INTS5: variants seen among roughly 807,000 people sequenced by gnomAD.
The protein encoded by INTS5 is KIAA1698.
A neutral mutation model predicts 60.0 loss-of-function variants in INTS5; 29 were observed. The observed-to-expected ratio is 0.48, with a 90% CI of 0.36 to 0.66. The LOEUF (loss-of-function observed/expected upper bound fraction) is 0.66, where lower values mean the gene tolerates loss of function less well. INTS5 is among the 30% of genes least tolerant of loss of function. The pLI is 0.00. For missense variants in INTS5, 1,129 were observed against 1,307.9 expected, an observed-to-expected ratio of 0.86 and a Z score of 2.11; for synonymous variants, 588 against 558.8, an observed-to-expected ratio of 1.05 and a Z score of -0.74.
chr11:62,650,171 C>T (rs867817143), intron 1 of INTS5, among the ~76,000 whole-genome samples, 172 bp from the exon 2 acceptor site: 1 of 151,938 alleles, frequency 6.6e-6, no homozygotes, highest in African/African-American at 2.4e-5. Context: ...GGCTGGAGTG[C>T]AGTGGCATGA....
chr11:62,648,897 C>G lies in INTS5; in HGVS notation c.1183G>C (p.Val395Leu). ...GCACCTGCCCCAGAGGCCTGGCTCACCAGGTGCACAGCCAGGTTCAACATG... is the reference window on the plus strand; with the variant it reads ...GCACCTGCCCCAGAGGCCTGGCTCAGCAGGTGCACAGCCAGGTTCAACATG... ...DNMLNLAVHL[V>L]SQASGAGAYR... Residue 395 changes from valine to leucine, a missense_variant, in exon 2 of 2, where the codon GTG becomes CTG. Transcript: ENST00000330574. The surrounding 1 kb of genome is among the most constrained non-coding windows in gnomAD (Gnocchi z 4.4). The G allele has an allele frequency of 2.5e-6, 4 of 1,613,658 alleles. No individual in the cohort carries two copies. Among genetic ancestry groups the G allele is most frequent in the Non-Finnish European group, 3.4e-6 (4 of 1,179,880 alleles).
chr11:62,653,252 C>A lies in INTS5; in HGVS notation c.-3G>T, dbSNP rs1944611469. 1 of 1,242,126 alleles carries A rather than the reference C, an allele frequency of 8.1e-7. No homozygotes were observed. The allele number at this position is 1,242,126 out of a possible 1,614,324, so 76.9% of individuals were successfully genotyped here. A position where few individuals can be genotyped will look rare whatever the true frequency, so the allele number is the denominator to read the frequency against. The stretch of plus-strand genomic sequence containing the variant: ...GGAGGGTCGCACAGCGCGGACATCC[C>A]GGAGCCCGAGCCGAGCCCGAGGCGC... On this transcript the variant is annotated 5_prime_UTR_variant, in exon 1 of 2. Transcript: ENST00000330574.
At chr11:62,653,071 G>A (rs1474372662) in intron 1 of INTS5, 99 bp downstream of exon 1, 8 of 729,604 alleles carry the variant, frequency 1.1e-5, no homozygotes, top group Admixed American at 8.7e-5. Context: ...TGAGAACCCT[G>A]ACGTGAGTTC....
chr11:62,651,568 C>T (rs893388567), intron 1 of INTS5, among the ~76,000 whole-genome samples: 3 of 152,146 alleles, frequency 2.0e-5, no homozygotes, highest in African/African-American at 4.8e-5. Context: ...ATTTTACAGA[C>T]AAATCAAGGC....
rs1944553301 is a variant in INTS5 at position 62,648,094 on chromosome 11, A to G, written c.1986T>C (p.His662=). The part of the protein sequence containing the change: ...VHRFFASLRL[H]GPPGVASACQ... The stretch of plus-strand genomic sequence containing the variant: ...AGGCTGAGGCCACACCTGGGGGTCC[A>G]TGCAGCCTCAGAGAGGCAAAGAAGC... Residue 662 remains histidine (H), a synonymous_variant, in exon 2 of 2, where the codon CAT becomes CAC. Transcript: ENST00000330574. This position sits in a 1 kb window ranked among gnomAD's most constrained non-coding sequence, Gnocchi z 4.4. The G allele has an allele frequency of 6.2e-7, 1 of 1,614,062 alleles. No homozygotes were observed. The highest frequency in any genetic ancestry group is 8.5e-7 in the Non-Finnish European group (1 of 1,179,930).
chr11:62,650,783 C>T (rs1216981609), intron 1 of INTS5, among the ~76,000 whole-genome samples: 1 of 152,158 alleles, frequency 6.6e-6, no homozygotes, highest in Non-Finnish European at 1.5e-5. Flanking sequence ...TCACAGCTCA[C>T]TGCAGTCTCG....
In INTS5 at chr11:62,647,682, C is replaced by A. The variant is rs192041880; in HGVS notation, c.2398G>T (p.Gly800Trp). ...PGGTECGECW[G>W]APILSPEAAK... ...GCCTCTGGACTCAAGATGGGTGCCCCCCAGCATTCCCCACATTCAGTGCCC... is the reference window on the plus strand; with the variant it reads ...GCCTCTGGACTCAAGATGGGTGCCCACCAGCATTCCCCACATTCAGTGCCC... Residue 800 changes from glycine to tryptophan, a missense_variant, in exon 2 of 2, where the codon GGG (glycine) becomes TGG (tryptophan). Physicochemically the swap from Gly to Trp is radical, Grantham distance 184 (BLOSUM62 -2). Around this residue, in one of 3 missense-constraint regions of INTS5, gnomAD observed 1,070 missense variants for 1,246.1 expected, o/e 0.86. Coordinates refer to ENST00000330574, the MANE Select transcript of INTS5 (RefSeq NM_030628.2). The A allele has an allele frequency of 6.2e-7, 1 of 1,614,114 alleles. No homozygotes were observed. The highest frequency in any genetic ancestry group is 1.3e-5 in the African/African-American group (1 of 75,050).
intron 1 of INTS5, among the ~76,000 whole-genome samples, 160 bp downstream of exon 1, chr11:62,653,010 T>C (rs569324773): frequency 9.2e-5 from 14 of 152,274 alleles, no homozygotes; most frequent in East Asian, 5.8e-4. Context: ...ACTGGAGCCC[T>C]GAGTTTTGGT....
Position 62,648,138 on chromosome 11 carries a change from C to T in INTS5, c.1942G>A (p.Val648Ile), listed in dbSNP as rs1278752357. 6 of 1,613,524 alleles carry T rather than the reference C, an allele frequency of 3.7e-6. No homozygotes were observed. The African/African-American group carries it at 4.0e-5, about 11-fold the overall frequency. ...AAGAAGCGGTGCACCCCAGCCCTTACCAGTCCCAGGAGCTGGGAGGGGGAT... is the reference window on the plus strand; with the variant it reads ...AAGAAGCGGTGCACCCCAGCCCTTATCAGTCCCAGGAGCTGGGAGGGGGAT... ...ALSPSQLLGLVRAGVHRFFAS... is the reference protein window; with the variant it reads ...ALSPSQLLGLIRAGVHRFFAS... The change falls in exon 2 of 2, where the codon GTA becomes ATA. Residue 648 changes from valine (V) to isoleucine (I), a missense_variant. Around this residue, in one of 3 missense-constraint regions of INTS5, gnomAD observed 1,070 missense variants for 1,246.1 expected, o/e 0.86. Transcript: ENST00000330574. The surrounding 1 kb of genome is among the most constrained non-coding windows in gnomAD (Gnocchi z 4.4).
In INTS5 at chr11:62,647,139, C is replaced by T. The variant is rs1355673577; in HGVS notation, c.2941G>A (p.Gly981Ser). The T allele has an allele frequency of 1.2e-6, 2 of 1,614,146 alleles. No individual in the cohort carries two copies. Among genetic ancestry groups the T allele is most frequent in the Admixed American group, 1.7e-5 (1 of 60,010 alleles). The change falls in exon 2 of 2, where the codon GGT becomes AGT. Residue 981 changes from glycine (G) to serine (S), a missense_variant. Transcript: ENST00000330574. ...RDFSREGGGE[G>S]GPHLAVLHSV... is the part of the protein sequence containing the mutation. ...TGCAGCACAGCCAGATGGGGTCCAC[C>T]CTCACCTCCACCCTCCCTGGAGAAG... is the stretch of plus-strand genomic sequence containing the variant.
At position 62,648,616 on chromosome 11, in the gene INTS5, C is replaced by A. The variant is rs754300234; in HGVS notation, c.1464G>T (p.Thr488=). ...GGAAGCGCTTCCGTTCCAATCGTAA[C>A]GTCTCTCCACACAGCTCTCCAACAT... is the stretch of plus-strand genomic sequence containing the variant. ...KNHVGELCGE[T]LRLERKRFLW... is the part of the protein sequence containing the mutation. The change falls in exon 2 of 2, where the codon ACG becomes ACT. Residue 488 remains threonine, a synonymous_variant. Coordinates refer to ENST00000330574, the MANE Select transcript of INTS5 (RefSeq NM_030628.2). This position sits in a 1 kb window ranked among gnomAD's most constrained non-coding sequence, Gnocchi z 4.4. The A allele has an allele frequency of 6.2e-7, 1 of 1,614,084 alleles. No individual in the cohort carries two copies. The highest frequency in any genetic ancestry group is 1.1e-5 in the South Asian group (1 of 91,084).
chr11:62,652,485 A>G (rs755904093), intron 1 of INTS5, among the ~76,000 whole-genome samples: 6 of 151,330 alleles, frequency 4.0e-5, no homozygotes, highest in Admixed American at 6.6e-5. Context: ...TTCTTCCCAT[A>G]TTCTGCAAAA....
rs527652458 is a variant in INTS5, at chr11:62,647,390, G to C, written c.2690C>G (p.Thr897Arg). Residue 897 changes from threonine to arginine, a missense_variant, in exon 2 of 2, where the codon ACG (threonine) becomes AGG (arginine). Coordinates refer to ENST00000330574, the MANE Select transcript of INTS5 (RefSeq NM_030628.2). ...GHWEASRHPD[T>R]THSPWHLEAS... ...CTCCAGGTGCCAGGGGGAGTGGGTC[G>C]TGTCAGGGTGGCGAGAGGCTTCCCA... is the stretch of plus-strand genomic sequence containing the variant. 3 of 1,612,528 alleles carry C rather than the reference G, an allele frequency of 1.9e-6. No homozygotes were observed.
Position 62,649,401 on chromosome 11 carries a change from C to A in INTS5, c.679G>T (p.Val227Leu). 3 of 1,614,202 alleles carry A rather than the reference C, an allele frequency of 1.9e-6. No homozygotes were observed. Among genetic ancestry groups the A allele is most frequent in the Non-Finnish European group, 2.5e-6 (3 of 1,180,044 alleles). The change falls in exon 2 of 2, where the codon GTG becomes TTG. Residue 227 changes from valine to leucine, a missense_variant. By Grantham distance (32) the Val-to-Leu change is conservative. Around this residue, in one of 3 missense-constraint regions of INTS5, gnomAD observed 1,070 missense variants for 1,246.1 expected, o/e 0.86. Transcript: ENST00000330574. This position sits in a 1 kb window ranked among gnomAD's most constrained non-coding sequence, Gnocchi z 6.0. ...VQHSPHFDWV[V>L]AHIGSSFPGT... is the part of the protein sequence containing the mutation. Reference sequence around the variant, plus strand: ...GGAAAAGAGGAGCCAATATGTGCCACAACCCAGTCAAAGTGTGGAGAATGC... The same window carrying A: ...GGAAAAGAGGAGCCAATATGTGCCAAAACCCAGTCAAAGTGTGGAGAATGC...
In INTS5 at chr11:62,648,506, C is replaced by T. The variant is rs748936400; in HGVS notation, c.1574G>A (p.Arg525Gln). 71 of 1,614,056 alleles carry T rather than the reference C, an allele frequency of 4.4e-5. 4 individuals are homozygous for T. The South Asian group carries it at 6.0e-4, about 14-fold the overall frequency. ...ACTCAACTCTTCAGGGCTTCGGGCT[C>T]GGCTCAGCAGATGGCCCAAGGCCTC... Reference protein sequence around the residue: ...GPEALGHLLSRARSPEELSLA... With the variant: ...GPEALGHLLSQARSPEELSLA... Residue 525 changes from arginine (R) to glutamine (Q), a missense_variant, in exon 2 of 2, where the codon CGA (arginine) becomes CAA (glutamine). Physicochemically the swap from Arg to Gln is conservative, Grantham distance 43. This residue lies in a region of INTS5 where 1,070 missense variants were observed against 1,246.1 expected (regional missense o/e 0.86). Transcript: ENST00000330574. This position sits in a 1 kb window ranked among gnomAD's most constrained non-coding sequence, Gnocchi z 4.4.
chr11:62,650,218 G>A (rs555252439), intron 1 of INTS5, among the ~76,000 whole-genome samples: 31 of 151,722 alleles, frequency 2.0e-4, no homozygotes, highest in African/African-American at 7.0e-4. Flanking sequence ...CTGGGTTCAC[G>A]CCATTCTCCT....
At position 62,647,161 on chromosome 11, in the gene INTS5, G is replaced by A. The variant is rs759233778; in HGVS notation, c.2919C>T (p.Phe973=). ...CACCCTCACCTCCACCCTCCCTGGAGAAGTCCCGAATGAAGCGACCCCGCT... is the reference window on the plus strand; with the variant it reads ...CACCCTCACCTCCACCCTCCCTGGAAAAGTCCCGAATGAAGCGACCCCGCT... The part of the protein sequence containing the change: ...QSERGRFIRD[F]SREGGGEGGP... Residue 973 remains phenylalanine (F), a synonymous_variant, in exon 2 of 2, where the codon TTC becomes TTT. Transcript: ENST00000330574. 2.5e-6 allele frequency: 4 copies of A among 1,614,186 alleles called. No homozygotes were observed. In the East Asian group the frequency reaches 8.9e-5, roughly 36 times the overall value.
chr11:62,649,601 G>C lies in INTS5; in HGVS notation c.479C>G (p.Ser160Ter), dbSNP rs1277342273. ...GTGGGGAACACGCTGGTGCTGGCCTGAGTACGTGCTGCTCAGTTGCCCCAT... is the reference window on the plus strand; with the variant it reads ...GTGGGGAACACGCTGGTGCTGGCCTCAGTACGTGCTGCTCAGTTGCCCCAT... ...DLMGQLSSTY[S>*]GQHQRVPHAT... is the part of the protein sequence containing the mutation. Residue 160 changes from serine (S) to a stop codon, truncating the protein, a stop_gained, in exon 2 of 2, where the codon TCA becomes TGA. Coordinates refer to ENST00000330574, the MANE Select transcript of INTS5 (RefSeq NM_030628.2). LOFTEE classifies it high-confidence loss of function. This position sits in a 1 kb window ranked among gnomAD's most constrained non-coding sequence, Gnocchi z 6.0. 6.2e-7 allele frequency: 1 copy of C among 1,614,160 alleles called. No individual in the cohort carries two copies.
At chr11:62,650,046 A>G in intron 1 of INTS5, 47 bp from the exon 2 acceptor site, 1 of 1,468,102 alleles carries the variant, frequency 6.8e-7, no homozygotes, top group Non-Finnish European at 9.4e-7. Context: ...GTGAGATGTT[A>G]GGCAACTTAC....
Sources: gnomAD v4.1 joint callset for allele counts (sites outside exome capture counted in the v4.1 genomes callset) on GRCh38, gnomAD v4.1.1 for gene constraint, gnomAD v4.1.1 regional missense constraint, Gnocchi (gnomAD v3.1) non-coding constraint, MANE v1.5 for transcripts, NCBI Gene and HGNC (gene_info 2026-07-23, HGNC 2026-07-21) for gene names.